Variants in BATF3 observed in about 807,000 individuals in gnomAD.
BATF3 encodes basic leucine zipper ATF-like transcription factor 3, also known as basic leucine zipper transcriptional factor ATF-like 3.
BATF3 carries 8 observed loss-of-function variants against 16.1 expected under a neutral mutation model. The ratio of observed to expected loss-of-function variants is 0.50; its 90% confidence interval spans 0.29 to 0.90. The LOEUF (loss-of-function observed/expected upper bound fraction) is 0.90, where lower values mean the gene tolerates loss of function less well. BATF3 is among the 40% of genes least tolerant of loss of function. BATF3 has a pLI of 0.08. For missense variants in BATF3, 139 were observed against 167.0 expected (o/e 0.83, Z 0.92); for synonymous variants, 74 against 72.7 (o/e 1.02, Z -0.09).
intron 1 of BATF3, chr1:212,698,117 G>T (rs1047715265): frequency 6.6e-6 from 1 of 152,222 alleles, no homozygotes; most frequent in African/African-American, 2.4e-5. Flanking sequence ...ATAAAAAGGA[G>T]AGGAATAAAT....
intron 2 of BATF3, among the ~76,000 whole-genome samples, chr1:212,692,697 C>T (rs935541196): frequency 6.6e-6 from 1 of 152,282 alleles, no homozygotes; most frequent in East Asian, 1.9e-4. Flanking sequence ...CTCAGCCTCC[C>T]AAAGTGCTGG....
chr1:212,697,951 C>G (rs2102404371), intron 1 of BATF3: 1 of 152,298 alleles, frequency 6.6e-6, no homozygotes, highest in South Asian at 2.1e-4. Flanking sequence ...ACAAGGAAAA[C>G]TACTCAGTTA....
At chr1:212,694,491 T>C (rs1657080092) in intron 2 of BATF3, among the ~76,000 whole-genome samples, 1 of 152,236 alleles carries the variant, frequency 6.6e-6, no homozygotes, top group South Asian at 2.1e-4. Flanking sequence ...ATGAAAGATC[T>C]TGTCCAAGAT....
Position 212,686,835 on chromosome 1 carries a change from C to A in BATF3, c.340G>T (p.Val114Leu). The A allele has an allele frequency of 6.2e-7, 1 of 1,613,972 alleles. No homozygotes were observed. Among genetic ancestry groups the A allele is most frequent in the Non-Finnish European group, 8.5e-7 (1 of 1,179,880 alleles). ...GCCACAGGGTCCGGCCGGGGAGGCA[C>A]TGGCACAAAGTTCATAGGGCAGAGC... ...LLLCPMNFVP[V>L]PPRPDPVAGC... is the part of the protein sequence containing the mutation. Residue 114 changes from valine to leucine, a missense_variant, in exon 3 of 3, where the codon GTG becomes TTG. Physicochemically the swap from Val to Leu is conservative, Grantham distance 32 (BLOSUM62 1). Transcript: ENST00000243440.
intron 2 of BATF3, among the ~76,000 whole-genome samples, chr1:212,693,491 G>A (rs967474329): frequency 6.6e-6 from 1 of 152,190 alleles, no homozygotes; most frequent in Admixed American, 6.5e-5. Context: ...CCAGTGGAGA[G>A]TAATCCTGAC....
chr1:212,687,967 A>AAAGAAAGAAAG (rs1571831789), intron 2 of BATF3, among the ~76,000 whole-genome samples: 6 of 99,720 alleles, frequency 6.0e-5, no homozygotes, highest in Middle Eastern at 4.5e-3. Context: ...GAAAGAAAAA[A>AAAGAAAGAAAG]AAAGAAAGAA....
intron 2 of BATF3, among the ~76,000 whole-genome samples, chr1:212,696,332 T>C (rs571546399): frequency 6.6e-6 from 1 of 152,142 alleles, no homozygotes; most frequent in Non-Finnish European, 1.5e-5. Context: ...TCGAATGTTC[T>C]AACAAGGTAA....
At chr1:212,692,685 G>C (rs983107685) in intron 2 of BATF3, among the ~76,000 whole-genome samples, 1 of 152,150 alleles carries the variant, frequency 6.6e-6, no homozygotes. Flanking sequence ...TGATCCACCC[G>C]CCTCAGCCTC....
intron 2 of BATF3, among the ~76,000 whole-genome samples, chr1:212,694,760 G>A (rs931564743): frequency 6.6e-6 from 1 of 152,158 alleles, no homozygotes; most frequent in Non-Finnish European, 1.5e-5. Flanking sequence ...AGGAGGCAAA[G>A]GGCATTGCCG....
At position 212,699,427 on chromosome 1, in the gene BATF3, C is replaced by A. The variant is rs1484196696; in HGVS notation, c.90+246G>T. ...GTCGGCGCCCTCGGGCTTCTTCCCC[C>A]AGAGGGCGCAGGAGCTGGCTCAGGA... On this transcript the variant is annotated intron_variant, in intron 1 of 2. Transcript: ENST00000243440. This position sits in a 1 kb window ranked among gnomAD's most constrained non-coding sequence, Gnocchi z 4.4. Among the ~76,000 whole-genome samples the A allele has an allele frequency of 6.6e-6, 1 of 152,136 alleles. No homozygotes were observed. The highest frequency in any genetic ancestry group is 1.9e-4 in the East Asian group (1 of 5,180).
intron 2 of BATF3, among the ~76,000 whole-genome samples, chr1:212,695,638 G>A (rs796799213): frequency 1.6e-4 from 25 of 152,064 alleles, no homozygotes; most frequent in Admixed American, 3.9e-4. Flanking sequence ...GCAAGATCCC[G>A]TCTCAAAAAG....
chr1:212,689,076 A>G lies in BATF3; in HGVS notation c.196-2097T>C, dbSNP rs551391440. ...TTCCCTGACCACAGCACCTACAGGA[A>G]CCACATCTTTTATTATGTGTTCTAT... On this transcript the variant is annotated intron_variant, in intron 2 of 2. Transcript: ENST00000243440. This position sits in a 1 kb window ranked among gnomAD's most constrained non-coding sequence, Gnocchi z 4.6. Among the ~76,000 whole-genome samples, 30 of 152,322 alleles carry G rather than the reference A, an allele frequency of 2.0e-4. No homozygotes were observed. The highest frequency in any genetic ancestry group is 6.0e-4 in the African/African-American group (25 of 41,560).
At chr1:212,697,107 G>A (rs2233922) in intron 1 of BATF3, 42 bp from the exon 2 acceptor site, 10 of 1,514,134 alleles carry the variant, frequency 6.6e-6, no homozygotes, top group African/African-American at 2.7e-5. Flanking sequence ...GTGGCCCCTC[G>A]CCTTACCCTT....
In BATF3 at chr1:212,696,997, C is replaced by G; in HGVS notation, c.159G>C (p.Arg53=). Residue 53 remains arginine, a synonymous_variant, in exon 2 of 3, where the codon CGG becomes CGC. Coordinates refer to ENST00000243440, the MANE Select transcript of BATF3 (RefSeq NM_018664.3). ...TGTCAGCCTTCTGGGTCTGCTTCTT[C>G]CGACTTCTCTGAGCAGCAACTCGGT... ...EKNRVAAQRS[R]KKQTQKADKL... 1.2e-6 allele frequency: 2 copies of G among 1,614,182 alleles called. No individual in the cohort carries two copies. Among genetic ancestry groups the G allele is most frequent in the Non-Finnish European group, 1.7e-6 (2 of 1,180,028 alleles).
In BATF3 at chr1:212,689,083, C is replaced by A. The variant is rs1308222927; in HGVS notation, c.196-2104G>T. Among the ~76,000 whole-genome samples, 6 of 152,286 alleles carry A rather than the reference C, an allele frequency of 3.9e-5. No homozygotes were observed. Among genetic ancestry groups the A allele is most frequent in the Admixed American group, 3.3e-4 (5 of 15,296 alleles). On this transcript the variant is annotated intron_variant, in intron 2 of 2. Transcript: ENST00000243440. The surrounding 1 kb of genome is among the most constrained non-coding windows in gnomAD (Gnocchi z 4.6). ...ACCACAGCACCTACAGGAACCACAT[C>A]TTTTATTATGTGTTCTATTCTATTT... is the stretch of plus-strand genomic sequence containing the variant.
At chr1:212,691,329 G>A (rs570449851) in intron 2 of BATF3, among the ~76,000 whole-genome samples, 1 of 152,292 alleles carries the variant, frequency 6.6e-6, no homozygotes, top group East Asian at 1.9e-4. Context: ...GAGGTACAGT[G>A]ACTTTTCCAA....
chr1:212,699,308 T>TGGCAGTCGCTGGCTGCGCCAGGATGGGGC lies in BATF3; in HGVS notation c.90+336_90+364dup, dbSNP rs1311875900. Among the ~76,000 whole-genome samples the TGGCAGTCGCTGGCTGCGCCAGGATGGGGC allele has an allele frequency of 9.3e-5, 14 of 150,334 alleles. No homozygotes were observed. The highest frequency in any genetic ancestry group is 3.4e-4 in the African/African-American group (14 of 40,724). Reference sequence around the variant, plus strand: ...GGGGCTACAGGCGCGGGTGGTGGGGTGGCAGTCGCTGGCTGCGCCAGGATG... The same window carrying TGGCAGTCGCTGGCTGCGCCAGGATGGGGC: ...GGGGCTACAGGCGCGGGTGGTGGGGTGGCAGTCGCTGGCTGCGCCAGGATGGGGCGGCAGTCGCTGGCTGCGCCAGGATG... On this transcript the variant is annotated intron_variant, in intron 1 of 2. Transcript: ENST00000243440. This position sits in a 1 kb window ranked among gnomAD's most constrained non-coding sequence, Gnocchi z 4.4.
At chr1:212,695,362 C>T (rs192249888) in intron 2 of BATF3, among the ~76,000 whole-genome samples, 49 of 151,396 alleles carry the variant, frequency 3.2e-4, no homozygotes, top group African/African-American at 9.7e-4. Context: ...GGTGTAGTGG[C>T]GGGCGCCTGT....
At chr1:212,697,114 C>T (rs781106536) in intron 1 of BATF3, 49 bp from the exon 2 acceptor site, 2 of 1,421,840 alleles carry the variant, frequency 1.4e-6, no homozygotes, top group South Asian at 2.3e-5. Flanking sequence ...CTCGCCTTAC[C>T]CTTTTCTGCC....
Sources: gnomAD v4.1 joint callset for allele counts (sites outside exome capture counted in the v4.1 genomes callset) on GRCh38, gnomAD v4.1.1 for gene constraint, Gnocchi (gnomAD v3.1) non-coding constraint, MANE v1.5 for transcripts, NCBI Gene and HGNC (gene_info 2026-07-23, HGNC 2026-07-21) for gene names.